Variants in CFAP47 observed in about 807,000 individuals in gnomAD.
CFAP47 encodes the protein cilia and flagella associated protein 47.
A neutral mutation model predicts 148.1 loss-of-function variants in CFAP47; 29 were observed. The ratio of observed to expected loss-of-function variants is 0.20; its 90% CI spans 0.15 to 0.27. The LOEUF is 0.27. CFAP47 is among the 10% of genes least tolerant of loss of function. The pLI is 1.00. For missense variants in CFAP47, 1,872 were observed against 1,697.5 expected (o/e 1.10, Z -1.81); for synonymous variants, 664 against 577.3 (o/e 1.15, Z -2.15).
At chrX:36,370,505 C>T (rs1222883170) in intron 62 of CFAP47, among the ~76,000 whole-genome samples, 1 of 110,558 alleles carries the variant, frequency 9.0e-6, no homozygotes, top group Non-Finnish European at 1.9e-5. Context: ...TATTGATGGA[C>T]ACTTGGGTTG....
At chrX:36,114,201 G>A (rs966859980) in intron 33 of CFAP47, among the ~76,000 whole-genome samples, 13 of 111,531 alleles carry the variant, frequency 1.2e-4, no homozygotes, top group African/African-American at 4.2e-4. Context: ...GCTCTATGAC[G>A]TCGATTACAT....
chrX:36,204,760 A>G (rs782356796), intron 44 of CFAP47, among the ~76,000 whole-genome samples, 197 bp from the exon 45 acceptor site: 2 of 111,344 alleles, frequency 1.8e-5, no homozygotes, highest in East Asian at 5.7e-4. Flanking sequence ...ATCTCTCAAT[A>G]AAAGAGGACT....
intron 3 of CFAP47, among the ~76,000 whole-genome samples, chrX:35,943,873 G>A (rs7882855): frequency 0.018 from 2,006 of 110,940 alleles, 51 homozygotes; most frequent in African/African-American, 0.061. Context: ...TACATGAGAT[G>A]TTTTGATACG....
intron 56 of CFAP47, 68 bp from the exon 57 acceptor site, chrX:36,319,141 C>T: frequency 2.0e-6 from 1 of 503,934 alleles, no homozygotes; most frequent in East Asian, 4.6e-5. Flanking sequence ...ATTCTATTTC[C>T]ATCTCCACCG....
At position 36,251,857 on chromosome X, in the gene CFAP47, G is replaced by T. The variant is rs1005644698; in HGVS notation, c.7444+413G>T. ...TTGATATATGAAAAATAAGTTAAAG[G>T]TTTGATATATGTGAATTTTTTCCTT... On this transcript the variant is annotated intron_variant, in intron 49 of 63. Transcript: ENST00000378653. Among the ~76,000 whole-genome samples the T allele has an allele frequency of 2.7e-5, 3 of 111,360 alleles. No homozygotes were observed. In the South Asian group the frequency reaches 1.1e-3, roughly 41 times the overall value.
intron 8 of CFAP47, among the ~76,000 whole-genome samples, chrX:35,963,159 C>T (rs1347862764): frequency 9.1e-6 from 1 of 110,112 alleles, no homozygotes; most frequent in African/African-American, 3.3e-5. Context: ...ATTGTGGTTG[C>T]CAGGGGCAGT....
intron 45 of CFAP47, among the ~76,000 whole-genome samples, chrX:36,216,596 G>A (rs1332555543): frequency 1.8e-5 from 2 of 112,064 alleles, no homozygotes; most frequent in Non-Finnish European, 3.8e-5. Context: ...TGGGAGACTC[G>A]AGTTTTATTA....
chrX:35,967,878 A>G (rs1474380769), intron 10 of CFAP47, 46 bp downstream of exon 10: 1 of 818,351 alleles, frequency 1.2e-6, no homozygotes, highest in East Asian at 3.4e-5. Flanking sequence ...AGCTTAATGG[A>G]CAACACGACA....
In CFAP47 at chrX:36,080,413, A is replaced by G. The variant is rs1358942305; in HGVS notation, c.4692-4901A>G. On this transcript the variant is annotated intron_variant, in intron 29 of 63. Transcript: ENST00000378653. ...TAGAACTAGAAATACCATTTGACCC[A>G]GTGATCCCATTACTGGGTATATACC... Among the ~76,000 whole-genome samples the G allele has an allele frequency of 3.6e-5, 4 of 111,749 alleles. No homozygotes were observed. In the South Asian group the frequency reaches 1.1e-3, roughly 32 times the overall value.
chrX:36,057,631 T>C (rs1040615581), intron 26 of CFAP47, among the ~76,000 whole-genome samples: 10 of 111,636 alleles, frequency 9.0e-5, no homozygotes, highest in Non-Finnish European at 1.9e-4. Flanking sequence ...GCAAACCTTC[T>C]AAGTCAATTT....
chrX:36,379,934 A>G (rs1187850858), intron 63 of CFAP47: 4 of 112,588 alleles, frequency 3.6e-5, no homozygotes, highest in Non-Finnish European at 5.5e-5. Flanking sequence ...GTTGAAGTCT[A>G]ACATAAAAAA....
At chrX:36,090,965 A>G (rs1341001766) in intron 30 of CFAP47, among the ~76,000 whole-genome samples, 3 of 111,618 alleles carry the variant, frequency 2.7e-5, no homozygotes, top group Non-Finnish European at 5.7e-5. Flanking sequence ...AAAATATTCA[A>G]ATAAAAAAAC....
At chrX:36,248,771 CTA>C (rs1312131591) in intron 48 of CFAP47, among the ~76,000 whole-genome samples, 1 of 110,559 alleles carries the variant, frequency 9.0e-6, no homozygotes, top group African/African-American at 3.3e-5. Flanking sequence ...CCCAGATAGA[CTA>C]TGTCTTATAG....
At chrX:36,352,476 T>C (rs1452648432) in intron 59 of CFAP47, among the ~76,000 whole-genome samples, 1 of 111,138 alleles carries the variant, frequency 9.0e-6, no homozygotes, top group African/African-American at 3.3e-5. Context: ...CACATACATC[T>C]GAGGACATCA....
In CFAP47 at chrX:35,970,625, A is replaced by G. The variant is rs1247654838; in HGVS notation, c.1815-143A>G. The G allele has an allele frequency of 1.2e-5, 5 of 403,053 alleles. No homozygotes were observed. The East Asian group carries it at 2.1e-4, about 17-fold the overall frequency. The allele number at this position is 403,053 out of a possible 1,213,427, so 33.2% of individuals were successfully genotyped here. The stretch of plus-strand genomic sequence containing the variant: ...CAATCATGTCTTGATATAGAATAGC[A>G]TATGAGGGGAAGGACTAGAATCTGT... On this transcript the variant is annotated intron_variant, in intron 10 of 63. Transcript: ENST00000378653.
intron 59 of CFAP47, among the ~76,000 whole-genome samples, chrX:36,352,942 A>G (rs1025481491): frequency 9.1e-6 from 1 of 109,302 alleles, no homozygotes; most frequent in Admixed American, 1.0e-4. Context: ...TTAAAAGGTA[A>G]TTTTTATAAA....
chrX:36,359,836 T>A (rs781897931), intron 60 of CFAP47, among the ~76,000 whole-genome samples: 1 of 111,158 alleles, frequency 9.0e-6, no homozygotes, highest in African/African-American at 3.3e-5. Flanking sequence ...CTGCAAACTC[T>A]GCCTCCCGGG....
chrX:36,255,931 C>T (rs782294354), intron 49 of CFAP47, among the ~76,000 whole-genome samples: 13 of 111,776 alleles, frequency 1.2e-4, no homozygotes, highest in Non-Finnish European at 1.9e-4. Context: ...GATATAAAAA[C>T]ATATAACCTT....
rs192844326 is a variant in CFAP47, at chrX:36,316,631, G to A, written c.8345-2578G>A. The stretch of plus-strand genomic sequence containing the variant: ...CAAGTAAGTGACATGACCATACTGT[G>A]TCTCATCCGTGACTGCAGATGGTGT... On this transcript the variant is annotated intron_variant, in intron 56 of 63. Transcript: ENST00000378653. Among the ~76,000 whole-genome samples the A allele has an allele frequency of 1.9e-3, 218 of 111,856 alleles. 1 individual carries two copies. The highest frequency in any genetic ancestry group is 6.5e-3 in the African/African-American group (199 of 30,831).
Sources: gnomAD v4.1 joint callset for allele counts (sites outside exome capture counted in the v4.1 genomes callset) on GRCh38, gnomAD v4.1.1 for gene constraint, MANE v1.5 for transcripts, NCBI Gene and HGNC (gene_info 2026-07-23, HGNC 2026-07-21) for gene names.